Variants in STX8 observed in about 807,000 individuals in gnomAD.
STX8 encodes the protein syntaxin 8.
STX8 carries 23 observed loss-of-function variants against 37.5 expected under a neutral mutation model. The observed-to-expected ratio is 0.61, with a 90% CI of 0.44 to 0.87. The LOEUF is 0.87. STX8 is among the 40% of genes least tolerant of loss of function. The probability of loss-of-function intolerance (pLI) is 0.00; values close to 1 mark genes in which losing one functional copy is unlikely to be tolerated. For synonymous variants in STX8, 115 were observed against 99.1 expected (o/e 1.16, Z -0.95); for missense variants, 313 against 284.7 (o/e 1.10, Z -0.71).
intron 6 of STX8, among the ~76,000 whole-genome samples, chr17:9,409,323 T>C (rs1246743375): frequency 6.6e-6 from 1 of 152,138 alleles, no homozygotes; most frequent in Non-Finnish European, 1.5e-5. Flanking sequence ...GAATCATTTG[T>C]ATACTATGAA....
intron 6 of STX8, among the ~76,000 whole-genome samples, chr17:9,446,171 C>T (rs1438624393): frequency 6.6e-6 from 1 of 152,126 alleles, no homozygotes; most frequent in Non-Finnish European, 1.5e-5. Context: ...ACATTTAGCA[C>T]AAGAAAACAG....
At chr17:9,433,834 T>C (rs1303323047) in intron 6 of STX8, among the ~76,000 whole-genome samples, 3 of 152,078 alleles carry the variant, frequency 2.0e-5, no homozygotes, top group Non-Finnish European at 2.9e-5. Context: ...GAAGATGATA[T>C]TTGAACTACG....
At chr17:9,554,384 T>C (rs953241027) in intron 3 of STX8, 4 of 152,266 alleles carry the variant, frequency 2.6e-5, no homozygotes, top group Non-Finnish European at 5.9e-5. Context: ...CCTCAGTATC[T>C]TTCTTTGTAA....
At chr17:9,356,673 C>A (rs947702085) in intron 7 of STX8, among the ~76,000 whole-genome samples, 1 of 152,222 alleles carries the variant, frequency 6.6e-6, no homozygotes, top group East Asian at 1.9e-4. Flanking sequence ...CTGCTTCTGG[C>A]AGCATCTCTG....
intron 3 of STX8, 112 bp downstream of exon 3, chr17:9,557,322 G>C (rs772651019): frequency 1.3e-6 from 1 of 788,818 alleles, no homozygotes; most frequent in Non-Finnish European, 2.1e-6. Context: ...TTGGAAACCA[G>C]GTCTTCCTCA....
At chr17:9,264,743 T>C (rs569736839) in intron 7 of STX8, among the ~76,000 whole-genome samples, 1 of 152,366 alleles carries the variant, frequency 6.6e-6, no homozygotes, top group East Asian at 1.9e-4. Context: ...ATGCTTCATG[T>C]GGTTTTAAAT....
intron 2 of STX8, among the ~76,000 whole-genome samples, chr17:9,563,615 G>T (rs1167144948): frequency 2.0e-5 from 3 of 152,182 alleles, no homozygotes; most frequent in Non-Finnish European, 4.4e-5. Context: ...TAATGAAAAT[G>T]GTTATTTAGA....
At chr17:9,348,268 A>G (rs557018860) in intron 7 of STX8, among the ~76,000 whole-genome samples, 1 of 152,082 alleles carries the variant, frequency 6.6e-6, no homozygotes, top group Admixed American at 6.6e-5. Flanking sequence ...AAATACAAAA[A>G]ATTAGCCAGG....
chr17:9,401,266 C>T (rs530776067), intron 6 of STX8, among the ~76,000 whole-genome samples: 1 of 152,284 alleles, frequency 6.6e-6, no homozygotes, highest in South Asian at 2.1e-4. Context: ...ACAAAACAGA[C>T]TAGCTTTTTA....
intron 4 of STX8, among the ~76,000 whole-genome samples, chr17:9,518,027 C>T (rs1285670587): frequency 6.6e-6 from 1 of 152,110 alleles, no homozygotes; most frequent in East Asian, 1.9e-4. Flanking sequence ...TACAGTGACC[C>T]TCCATTTGTT....
rs1908552028 is a variant in STX8, at chr17:9,296,600, G to A, written c.644-45955C>T. ...ACAATAAACTTGTAAATGGCTGGAAGGAAAAAAAGAAGTAAATTGTTGAAA... is the reference window on the plus strand; with the variant it reads ...ACAATAAACTTGTAAATGGCTGGAAAGAAAAAAAGAAGTAAATTGTTGAAA... On this transcript the variant is annotated intron_variant, in intron 7 of 7. Transcript: ENST00000306357. 2.7e-5 allele frequency among the ~76,000 whole-genome samples: 4 copies of A among 147,220 alleles called. No individual in the cohort carries two copies. The South Asian group carries it at 6.4e-4, about 24-fold the overall frequency.
rs183252104 is a variant in STX8, at chr17:9,321,962, T to C, written c.643+56590A>G. Among the ~76,000 whole-genome samples the C allele has an allele frequency of 3.9e-3, 597 of 152,356 alleles. 3 individuals carry two copies. Among genetic ancestry groups the C allele is most frequent in the Non-Finnish European group, 6.8e-3 (460 of 68,040 alleles). On this transcript the variant is annotated intron_variant, in intron 7 of 7. Transcript: ENST00000306357. The stretch of plus-strand genomic sequence containing the variant: ...GCTGATTTGTTTAAAACTGTGTAGA[T>C]GCATTATTTAAGTGTGTTAAAAGAT...
At chr17:9,284,455 T>C (rs183390753) in intron 7 of STX8, among the ~76,000 whole-genome samples, 98 of 152,286 alleles carry the variant, frequency 6.4e-4, no homozygotes, top group Non-Finnish European at 1.0e-3. Flanking sequence ...TCATACAGCA[T>C]TCACTTAAGG....
At chr17:9,390,555 C>T (rs932243865) in intron 6 of STX8, among the ~76,000 whole-genome samples, 18 of 147,514 alleles carry the variant, frequency 1.2e-4, no homozygotes, top group African/African-American at 3.5e-4. Flanking sequence ...AGGGTCGGTG[C>T]GGTGGCTCAT....
chr17:9,448,374 T>C (rs1375784380), intron 6 of STX8, among the ~76,000 whole-genome samples: 1 of 152,194 alleles, frequency 6.6e-6, no homozygotes, highest in African/African-American at 2.4e-5. Context: ...GGCAACGCCC[T>C]GCCTTCTCGT....
chr17:9,484,642 C>A (rs1470782984), intron 6 of STX8, among the ~76,000 whole-genome samples: 2 of 138,372 alleles, frequency 1.4e-5, no homozygotes, highest in East Asian at 4.2e-4. Context: ...ATGGTGAAAC[C>A]CTGTCTCTAC....
At chr17:9,355,500 ATTTTTT>A (rs35363770) in intron 7 of STX8, among the ~76,000 whole-genome samples, 2 of 124,434 alleles carry the variant, frequency 1.6e-5, no homozygotes, top group Admixed American at 8.4e-5. Flanking sequence ...ACACCTAGCA[ATTTTTT>A]TTTTTTTTTT....
chr17:9,329,050 C>CAAAAAAAAAAAA (rs998679728), intron 7 of STX8, among the ~76,000 whole-genome samples: 1 of 27,998 alleles, frequency 3.6e-5, no homozygotes, highest in African/African-American at 7.3e-5. Flanking sequence ...GATTCCATCT[C>CAAAAAAAAAAAA]AAAAAAAAAA....
Position 9,522,998 on chromosome 17 carries a change from C to T in STX8, c.324-17836G>A, listed in dbSNP as rs1463064552. On this transcript the variant is annotated intron_variant, in intron 4 of 7. Coordinates refer to ENST00000306357, the MANE Select transcript of STX8 (RefSeq NM_004853.3). Reference sequence around the variant, plus strand: ...TAATTACCCTGATTTGATCATTACACATTATATACATGTATCAAAATATCA... The same window carrying T: ...TAATTACCCTGATTTGATCATTACATATTATATACATGTATCAAAATATCA... Among the ~76,000 whole-genome samples the T allele has an allele frequency of 1.3e-5, 2 of 151,950 alleles. 1 individual carries two copies. Among genetic ancestry groups the T allele is most frequent in the African/African-American group, 4.8e-5 (2 of 41,364 alleles).
Sources: allele counts gnomAD v4.1 joint callset (sites outside exome capture counted in the v4.1 genomes callset), GRCh38; gene constraint gnomAD v4.1.1; transcripts MANE v1.5; gene names NCBI Gene and HGNC (gene_info 2026-07-23, HGNC 2026-07-21).